The following IQCK variants were observed in gnomAD, a reference collection of about 807,000 sequenced individuals.
IQCK encodes IQ motif containing K, also known as IQ domain-containing protein K.
A neutral mutation model predicts 28.1 loss-of-function variants in IQCK; 29 were observed. The observed-to-expected ratio is 1.03, with a 90% CI of 0.77 to 1.41. The LOEUF is 1.41. Among genes scored for constraint, IQCK ranks in the 40% most tolerant of loss-of-function variants. IQCK has a pLI of 0.00. For synonymous variants in IQCK, 113 were observed against 115.1 expected (o/e 0.98, Z 0.12); for missense variants, 359 against 314.7 (o/e 1.14, Z -1.07).
chr16:19,775,417 T>C lies in IQCK; in HGVS notation c.605+11305T>C, dbSNP rs145601636. 3.6e-3 allele frequency among the ~76,000 whole-genome samples: 548 copies of C among 152,214 alleles called. 4 individuals carry two copies. Among genetic ancestry groups the C allele is most frequent in the African/African-American group, 0.012 (517 of 41,492 alleles). On this transcript the variant is annotated intron_variant, in intron 6 of 7. Transcript: ENST00000564186. ...TTCTGTCTGTCTGTCTTCGTATTTA[T>C]ATATTTAACTACCTACCTACCAAAC...
chr16:19,726,145 A>C (rs1426216634), intron 1 of IQCK, among the ~76,000 whole-genome samples: 1 of 151,740 alleles, frequency 6.6e-6, no homozygotes, highest in Non-Finnish European at 1.5e-5. Flanking sequence ...CGATCTCCTG[A>C]CCTCGTGATC....
intron 4 of IQCK, among the ~76,000 whole-genome samples, chr16:19,754,353 G>A (rs566890962): frequency 7.9e-5 from 12 of 152,174 alleles, no homozygotes; most frequent in Non-Finnish European, 1.5e-4. Context: ...TGAGTAAAAC[G>A]ATGGCTGAAA....
At chr16:19,756,355 CAAGAT>C (rs112089008) in intron 4 of IQCK, among the ~76,000 whole-genome samples, 7,957 of 152,096 alleles carry the variant, frequency 0.052, 651 homozygotes, top group African/African-American at 0.18. Context: ...AAACCATTGA[CAAGAT>C]AAGCCACTGA....
chr16:19,810,974 G>A (rs1314057150), intron 7 of IQCK, among the ~76,000 whole-genome samples: 1 of 152,154 alleles, frequency 6.6e-6, no homozygotes, highest in Non-Finnish European at 1.5e-5. Flanking sequence ...TGGTAAAGAA[G>A]AGATCAAGGC....
chr16:19,757,479 C>T (rs930829506), intron 4 of IQCK, among the ~76,000 whole-genome samples: 2 of 152,198 alleles, frequency 1.3e-5, no homozygotes, highest in Non-Finnish European at 2.9e-5. Context: ...TGGAGACCAG[C>T]CTGGCCAACA....
At chr16:19,764,624 T>C (rs999977003) in intron 6 of IQCK, among the ~76,000 whole-genome samples, 1 of 152,016 alleles carries the variant, frequency 6.6e-6, no homozygotes, top group Non-Finnish European at 1.5e-5. Flanking sequence ...CTCTTAGTTA[T>C]TTAGCTATAT....
intron 3 of IQCK, among the ~76,000 whole-genome samples, chr16:19,734,525 A>C (rs918533551): frequency 6.7e-6 from 1 of 148,380 alleles, no homozygotes; most frequent in Non-Finnish European, 1.5e-5. Flanking sequence ...GCTACTTGGG[A>C]GGCTGAGGCA....
intron 6 of IQCK, among the ~76,000 whole-genome samples, chr16:19,768,745 C>CA (rs1272091714): frequency 6.6e-6 from 1 of 151,878 alleles, no homozygotes; most frequent in African/African-American, 2.4e-5. Flanking sequence ...GACTCCATCT[C>CA]AAAAAAACAA....
At chr16:19,858,328 G>GA (rs934779446) in exon 10 of IQCK, 15 of 441,992 alleles carry the variant, frequency 3.4e-5, no homozygotes, top group African/African-American at 2.2e-4. Flanking sequence ...TAAAAGGGGG[G>GA]AAAAAGGTCT....
intron 6 of IQCK, among the ~76,000 whole-genome samples, chr16:19,786,508 GCCAACACAGTGAAACCCCATCTCTA>G: frequency 6.9e-6 from 1 of 144,888 alleles, no homozygotes; most frequent in African/African-American, 2.8e-5. Context: ...GACCAACCTG[GCCAACACAGTGAAACCCCATCTCTA>G]CCAAAAAATA....
At position 19,764,213 on chromosome 16, in the gene IQCK, A is replaced by G. The variant is rs1324636245; in HGVS notation, c.605+101A>G. The G allele has an allele frequency of 3.1e-6, 3 of 965,754 alleles. No homozygotes were observed. The Admixed American group carries it at 6.6e-5, about 21-fold the overall frequency. 59.8% of individuals were successfully genotyped at this position (965,754 alleles called of 1,614,324 possible). On this transcript the variant is annotated intron_variant, in intron 6 of 7. Transcript: ENST00000564186. Reference sequence around the variant, plus strand: ...GAGAACAAACTGATGTGATCCATCCAGGACTCTGGGCCAGTCATATTTGTG... The same window carrying G: ...GAGAACAAACTGATGTGATCCATCCGGGACTCTGGGCCAGTCATATTTGTG...
At chr16:19,756,001 A>G (rs2055046698) in intron 4 of IQCK, among the ~76,000 whole-genome samples, 1 of 152,146 alleles carries the variant, frequency 6.6e-6, no homozygotes, top group Non-Finnish European at 1.5e-5. Flanking sequence ...CAAGCAACAT[A>G]GCAAGACCTT....
intron 4 of IQCK, among the ~76,000 whole-genome samples, chr16:19,759,706 A>G (rs1179208741): frequency 6.6e-6 from 1 of 152,156 alleles, no homozygotes; most frequent in East Asian, 1.9e-4. Flanking sequence ...GATTGGGCAA[A>G]GTGGTTCATG....
chr16:19,786,177 T>C (rs150018715), intron 6 of IQCK, among the ~76,000 whole-genome samples: 176 of 152,338 alleles, frequency 1.2e-3, no homozygotes, highest in African/African-American at 3.9e-3. Context: ...GGGAAATTAC[T>C]TCAGGGATGT....
intron 2 of IQCK, among the ~76,000 whole-genome samples, chr16:19,732,895 A>G (rs542905590): frequency 3.3e-5 from 5 of 152,324 alleles, no homozygotes; most frequent in Non-Finnish European, 7.3e-5. Flanking sequence ...GCTGGTGTGA[A>G]CACAGCTTTA....
chr16:19,767,184 G>T (rs562316370), intron 6 of IQCK, among the ~76,000 whole-genome samples: 1 of 152,200 alleles, frequency 6.6e-6, no homozygotes, highest in East Asian at 1.9e-4. Flanking sequence ...TGAATTTACA[G>T]CTGAAGCCCC....
intron 7 of IQCK, among the ~76,000 whole-genome samples, chr16:19,812,843 A>C (rs11647196): frequency 6.7e-6 from 1 of 149,822 alleles, no homozygotes; most frequent in South Asian, 2.1e-4. Flanking sequence ...AGAAAAAGGT[A>C]GGGGGGGAAA....
chr16:19,824,670 A>G (rs896168203), intron 7 of IQCK, among the ~76,000 whole-genome samples: 4 of 152,170 alleles, frequency 2.6e-5, no homozygotes, highest in Non-Finnish European at 5.9e-5. Context: ...ACACACATCC[A>G]CATATGTAAA....
chr16:19,827,908 C>T (rs912539238), downstream of IQCK, among the ~76,000 whole-genome samples: 9 of 151,930 alleles, frequency 5.9e-5, no homozygotes, highest in East Asian at 1.9e-4. Flanking sequence ...TTTCATGAGC[C>T]GATATCTTCT....
Sources: gnomAD v4.1 joint callset for allele counts (sites outside exome capture counted in the v4.1 genomes callset) on GRCh38, gnomAD v4.1.1 for gene constraint, MANE v1.5 for transcripts, NCBI Gene and HGNC (gene_info 2026-07-23, HGNC 2026-07-21) for gene names.